ADGRV1: variants seen among roughly 807,000 people sequenced by gnomAD.
The protein encoded by ADGRV1 is G-protein coupled receptor 98.
Under a neutral mutation model 596.2 loss-of-function variants are expected in ADGRV1, and 359 were observed. The ratio of observed to expected loss-of-function variants is 0.60; its 90% CI spans 0.55 to 0.66. The LOEUF is 0.66. Ranked by LOEUF, ADGRV1 falls within the 30% of genes least tolerant of loss-of-function variation. ADGRV1 has a pLI of 0.00. For synonymous variants in ADGRV1, 2,681 were observed against 2,679.2 expected (o/e 1.00, Z -0.02); for missense variants, 7,274 against 7,575.6 (o/e 0.96, Z 1.48).
At position 90,753,627 on chromosome 5, in the gene ADGRV1, T is replaced by C. The variant is rs1021559382; in HGVS notation, c.11175T>C (p.Ala3725=). Residue 3725 remains alanine, a synonymous_variant, in exon 54 of 90, where the codon GCT becomes GCC. Transcript: ENST00000405460. ...CAACAATCACTCTAACTATTCTTGC[T>C]GATAATATACCAGAGTTATCAGAGG... is the stretch of plus-strand genomic sequence containing the variant. ...VLSTITLTIL[A]DNIPELSEVV... 5 of 1,612,986 alleles carry C rather than the reference T, an allele frequency of 3.1e-6. No homozygotes were observed. The Admixed American group carries it at 8.3e-5, about 27-fold the overall frequency.
chr5:91,014,136 C>CA (rs1782962720), intron 85 of ADGRV1, among the ~76,000 whole-genome samples: 1 of 35,638 alleles, frequency 2.8e-5, no homozygotes, highest in African/African-American at 8.9e-5. Flanking sequence ...TTCACAATTG[C>CA]CACACACACA....
intron 85 of ADGRV1, among the ~76,000 whole-genome samples, chr5:91,055,262 A>T (rs1786732446): frequency 6.6e-6 from 1 of 151,906 alleles, no homozygotes; most frequent in Non-Finnish European, 1.5e-5. Flanking sequence ...ATATATATAT[A>T]TATATATTAA....
intron 32 of ADGRV1, among the ~76,000 whole-genome samples, chr5:90,693,025 C>G (rs190494512): frequency 6.6e-6 from 1 of 152,028 alleles, no homozygotes; most frequent in Non-Finnish European, 1.5e-5. Context: ...CTCTCTAACC[C>G]CAGAAATGCA....
At chr5:90,815,786 C>A in intron 75 of ADGRV1, 50 bp downstream of exon 75, 1 of 1,048,816 alleles carries the variant, frequency 9.5e-7, no homozygotes, top group Non-Finnish European at 1.4e-6. Context: ...TGTGTCTGTA[C>A]AAATGTAATT....
intron 83 of ADGRV1, among the ~76,000 whole-genome samples, chr5:90,956,403 A>T (rs1326301279): frequency 6.6e-6 from 1 of 152,194 alleles, no homozygotes; most frequent in African/African-American, 2.4e-5. Flanking sequence ...TTTCTGAGTA[A>T]CGACTCAGTA....
intron 84 of ADGRV1, among the ~76,000 whole-genome samples, chr5:90,980,048 G>A (rs544042187): frequency 1.3e-5 from 2 of 152,236 alleles, no homozygotes; most frequent in Admixed American, 6.5e-5. Flanking sequence ...GCATTACATA[G>A]TTTTCTTTAC....
intron 15 of ADGRV1, among the ~76,000 whole-genome samples, chr5:90,645,211 G>C (rs183769020): frequency 1.3e-5 from 2 of 152,280 alleles, no homozygotes; most frequent in African/African-American, 4.8e-5. Flanking sequence ...ACCGGGACAC[G>C]GGGTCGCATG....
At chr5:90,613,903 T>C (rs1325583120) in intron 1 of ADGRV1, among the ~76,000 whole-genome samples, 1 of 152,088 alleles carries the variant, frequency 6.6e-6, no homozygotes, top group Admixed American at 6.6e-5. Flanking sequence ...GCATTTTGGC[T>C]CATAGAGTAT....
chr5:90,590,307 G>T (rs1759312865), intron 1 of ADGRV1, among the ~76,000 whole-genome samples: 1 of 152,194 alleles, frequency 6.6e-6, no homozygotes, highest in South Asian at 2.1e-4. Context: ...CATCATAGTT[G>T]CAGCTCGATA....
At chr5:90,692,832 G>C in intron 32 of ADGRV1, 46 bp downstream of exon 32, 1 of 1,436,356 alleles carries the variant, frequency 7.0e-7, no homozygotes, top group African/African-American at 1.4e-5. Context: ...TGAGAATTGT[G>C]GGGTGGTGGG....
At chr5:91,161,801 A>C (rs1376751449) in intron 89 of ADGRV1, among the ~76,000 whole-genome samples, 1 of 152,116 alleles carries the variant, frequency 6.6e-6, no homozygotes, top group African/African-American at 2.4e-5. Context: ...TTCACATTTT[A>C]TGTCCTCCAG....
At chr5:90,623,421 A>T (rs903229803) in intron 5 of ADGRV1, among the ~76,000 whole-genome samples, 2 of 151,634 alleles carry the variant, frequency 1.3e-5, no homozygotes, top group Non-Finnish European at 2.9e-5. Context: ...ATTTTATTTT[A>T]TTTTTTTTGA....
chr5:90,786,306 G>T (rs976015546), intron 67 of ADGRV1, among the ~76,000 whole-genome samples: 21 of 152,282 alleles, frequency 1.4e-4, no homozygotes, highest in African/African-American at 5.1e-4. Context: ...TGTAAATGAC[G>T]AGTTGATGGG....
chr5:91,041,409 T>G (rs571439564), intron 85 of ADGRV1, among the ~76,000 whole-genome samples: 1 of 152,016 alleles, frequency 6.6e-6, no homozygotes, highest in South Asian at 2.1e-4. Flanking sequence ...CACCACATGT[T>G]CTCACTCATA....
chr5:90,887,036 A>T (rs1432421902), intron 83 of ADGRV1, among the ~76,000 whole-genome samples: 1 of 152,170 alleles, frequency 6.6e-6, no homozygotes, highest in East Asian at 1.9e-4. Flanking sequence ...AGCCAGTGTC[A>T]TCTTTTAAAG....
rs76871623 is a variant in ADGRV1 at position 91,108,665 on chromosome 5, G to A, written c.18432+6325G>A. On this transcript the variant is annotated intron_variant, in intron 87 of 89. Coordinates refer to ENST00000405460, the MANE Select transcript of ADGRV1 (RefSeq NM_032119.4). ...GCTGGAGGGCAACGACGTGATCATA[G>A]CTCATTGCAGCCTTGAACTCCTGGG... is the stretch of plus-strand genomic sequence containing the variant. Among the ~76,000 whole-genome samples, 968 of 152,176 alleles carry A rather than the reference G, an allele frequency of 6.4e-3. 9 individuals carry two copies. Among genetic ancestry groups the A allele is most frequent in the African/African-American group, 0.022 (909 of 41,516 alleles).
At chr5:90,822,734 C>G (rs1055733251) in intron 75 of ADGRV1, among the ~76,000 whole-genome samples, 12 of 152,178 alleles carry the variant, frequency 7.9e-5, no homozygotes, top group Non-Finnish European at 1.8e-4. Flanking sequence ...TGGCCATTTT[C>G]ATGATATTGA....
chr5:90,903,746 C>T (rs1005680220), intron 83 of ADGRV1, among the ~76,000 whole-genome samples: 14 of 151,840 alleles, frequency 9.2e-5, no homozygotes, highest in African/African-American at 1.5e-4. Flanking sequence ...TTCCCTCAAG[C>T]GTTTATCCTT....
chr5:90,922,630 C>G (rs1773983570), intron 83 of ADGRV1, among the ~76,000 whole-genome samples: 1 of 152,292 alleles, frequency 6.6e-6, no homozygotes, highest in South Asian at 2.1e-4. Flanking sequence ...CAAAGCAGAG[C>G]TCATTGCTGC....
Sources: allele counts gnomAD v4.1 joint callset (sites outside exome capture counted in the v4.1 genomes callset), GRCh38; gene constraint gnomAD v4.1.1; transcripts MANE v1.5; gene names NCBI Gene and HGNC (gene_info 2026-07-23, HGNC 2026-07-21).